ADGRD1: variants seen among roughly 807,000 people sequenced by gnomAD.
ADGRD1 encodes G-protein coupled receptor 133.
A neutral mutation model predicts 113.4 loss-of-function variants in ADGRD1; 77 were observed. The observed-to-expected ratio is 0.68, with a 90% confidence interval of 0.57 to 0.82. The LOEUF (loss-of-function observed/expected upper bound fraction) is 0.82, where lower values mean the gene tolerates loss of function less well. ADGRD1 is among the 40% of genes least tolerant of loss of function. The pLI, the probability that ADGRD1 is intolerant of heterozygous loss-of-function variation, is 0.00. For synonymous variants in ADGRD1, 474 were observed against 475.0 expected (o/e 1.00, Z 0.03); for missense variants, 1,036 against 1,139.1 (o/e 0.91, Z 1.30).
At position 130,984,054 on chromosome 12, in the gene ADGRD1, T is replaced by C. The variant is rs538050118; in HGVS notation, c.490+1991T>C. On this transcript the variant is annotated intron_variant, in intron 5 of 24. Transcript: ENST00000261654. The surrounding 1 kb of genome is among the most constrained non-coding windows in gnomAD (Gnocchi z 4.1). ...CTCTACCAACTCACTCCCATGTTGG[T>C]TAACATTATACGCCCTCGCTTAGAG... Among the ~76,000 whole-genome samples, 8 of 152,316 alleles carry C rather than the reference T, an allele frequency of 5.3e-5. No individual in the cohort carries two copies. The East Asian group carries it at 1.5e-3, about 29-fold the overall frequency.
chr12:130,958,986 C>T (rs1870026226), intron 2 of ADGRD1, among the ~76,000 whole-genome samples: 1 of 152,176 alleles, frequency 6.6e-6, no homozygotes, highest in African/African-American at 2.4e-5. Context: ...ATATTAAGCC[C>T]AAGAAGCTCA....
At chr12:131,101,354 AT>A (rs139659633) in intron 15 of ADGRD1, among the ~76,000 whole-genome samples, 1 of 59,480 alleles carries the variant, frequency 1.7e-5, no homozygotes, top group East Asian at 3.6e-4. Context: ...TCTTTCTTTT[AT>A]TTTTTTTCTT....
intron 15 of ADGRD1, among the ~76,000 whole-genome samples, chr12:131,098,844 G>A (rs1950003566): frequency 6.6e-6 from 1 of 152,244 alleles, no homozygotes; most frequent in Non-Finnish European, 1.5e-5. Flanking sequence ...ATGGTGCACA[G>A]TAGGTGCTGA....
At position 130,997,188 on chromosome 12, in the gene ADGRD1, A is replaced by ACCC. The variant is rs36044466; in HGVS notation, c.967-3186_967-3184dup. ...GGGCGGCTTGCCGGGCGGGGGGCTGACCCCCCCCCCCGGACGGGGCAGCTG... is the reference window on the plus strand; with the variant it reads ...GGGCGGCTTGCCGGGCGGGGGGCTGACCCCCCCCCCCCCCGGACGGGGCAGCTG... On this transcript the variant is annotated intron_variant, in intron 8 of 24. Transcript: ENST00000261654. 1.4e-3 allele frequency among the ~76,000 whole-genome samples: 29 copies of ACCC among 20,840 alleles called. 3 individuals are homozygous for ACCC. The highest frequency in any genetic ancestry group is 5.3e-3 in the South Asian group (3 of 564). 13.7% of individuals were successfully genotyped at this position (20,840 alleles called of 152,430 possible). A position where few individuals can be genotyped will look rare whatever the true frequency, so the allele number is the denominator to read the frequency against.
chr12:131,039,165 GGA>G (rs1217826433), intron 13 of ADGRD1, among the ~76,000 whole-genome samples: 1 of 150,512 alleles, frequency 6.6e-6, no homozygotes, highest in Admixed American at 6.7e-5. Context: ...GGGACGGTGC[GGA>G]GAGTCCTGTG....
chr12:131,074,097 T>C (rs1184918228), intron 13 of ADGRD1, among the ~76,000 whole-genome samples: 1 of 152,236 alleles, frequency 6.6e-6, no homozygotes. Flanking sequence ...TCTGCATGTA[T>C]CTCCTAGAAG....
chr12:130,967,150 G>T, intron 3 of ADGRD1: 1 of 417,966 alleles, frequency 2.4e-6, no homozygotes, highest in Admixed American at 2.4e-5. Context: ...GATGTCAAAG[G>T]TCATGCCAAC....
At chr12:130,986,425 G>A (rs1873690358) in intron 5 of ADGRD1, among the ~76,000 whole-genome samples, 1 of 152,118 alleles carries the variant, frequency 6.6e-6, no homozygotes, top group South Asian at 2.1e-4. Flanking sequence ...CAATGGTAAT[G>A]TGTTTTTTAA....
Position 130,956,159 on chromosome 12 carries a change from C to T in ADGRD1, c.103+1499C>T, listed in dbSNP as rs536558763. On this transcript the variant is annotated intron_variant, in intron 2 of 24. Transcript: ENST00000261654. ...ACTGTGGGCAGATCCCAGGGCGATA[C>T]CCAGGCCTCCAGGGAGAGCCCCTTT... 1.1e-4 allele frequency among the ~76,000 whole-genome samples: 17 copies of T among 152,344 alleles called. No individual in the cohort carries two copies. The South Asian group carries it at 3.3e-3, about 30-fold the overall frequency.
In ADGRD1 at chr12:131,096,003, G is replaced by T. The variant is rs904577966; in HGVS notation, c.1672-8828G>T. On this transcript the variant is annotated intron_variant, in intron 15 of 24. Coordinates refer to ENST00000261654, the MANE Select transcript of ADGRD1 (RefSeq NM_198827.5). This position sits in a 1 kb window ranked among gnomAD's most constrained non-coding sequence, Gnocchi z 5.2. Reference sequence around the variant, plus strand: ...TCACGGCCACCGTTCCCGCCTCCCAGCCCTGCCCAGAGCAGCGGCTTAGGG... The same window carrying T: ...TCACGGCCACCGTTCCCGCCTCCCATCCCTGCCCAGAGCAGCGGCTTAGGG... Among the ~76,000 whole-genome samples the T allele has an allele frequency of 1.1e-5, 1 of 87,956 alleles. No homozygotes were observed. The highest frequency in any genetic ancestry group is 2.5e-5 in the Non-Finnish European group (1 of 40,746). The allele number at this position is 87,956 out of a possible 152,430, so 57.7% of individuals were successfully genotyped here. A position where few individuals can be genotyped will look rare whatever the true frequency, so the allele number is the denominator to read the frequency against.
chr12:131,034,257 C>T (rs1881139284), intron 13 of ADGRD1, among the ~76,000 whole-genome samples: 1 of 152,242 alleles, frequency 6.6e-6, no homozygotes, highest in Non-Finnish European at 1.5e-5. Flanking sequence ...CTGCCTTGCT[C>T]TGCGCCACAT....
rs150572308 is a variant in ADGRD1 at position 131,021,814 on chromosome 12, C to T, written c.1473+7474C>T. On this transcript the variant is annotated intron_variant, in intron 13 of 24. Transcript: ENST00000261654. ...CCCTGATCGCCGGGCTCAAACCATC[C>T]TCCTGCGTCAGCCTCCTGAGAATCT... 8.8e-4 allele frequency among the ~76,000 whole-genome samples: 134 copies of T among 152,282 alleles called. 1 individual carries two copies. The highest frequency in any genetic ancestry group is 6.2e-4 in the Non-Finnish European group (42 of 68,024).
chr12:131,031,202 C>T (rs1012136845), intron 13 of ADGRD1, among the ~76,000 whole-genome samples: 1 of 152,224 alleles, frequency 6.6e-6, no homozygotes, highest in Non-Finnish European at 1.5e-5. Flanking sequence ...CTCCCACCCT[C>T]CCTTCCTGCG....
At chr12:131,038,794 C>T (rs1278078867) in intron 13 of ADGRD1, among the ~76,000 whole-genome samples, 2 of 152,202 alleles carry the variant, frequency 1.3e-5, no homozygotes, top group Admixed American at 1.3e-4. Flanking sequence ...TGATGGGTCC[C>T]CTAGACCCGT....
At chr12:131,114,306 C>T (rs1173682309) in intron 18 of ADGRD1, among the ~76,000 whole-genome samples, 3 of 152,088 alleles carry the variant, frequency 2.0e-5, no homozygotes, top group Non-Finnish European at 4.4e-5. Context: ...TGAGGAGATC[C>T]GACGCCCTGA....
At chr12:130,969,325 TA>T in intron 3 of ADGRD1, 1 of 450,820 alleles carries the variant, frequency 2.2e-6, no homozygotes, top group Non-Finnish European at 4.0e-6. Flanking sequence ...CGTAGCCTGT[TA>T]GGAACTGGGC....
intron 4 of ADGRD1, chr12:130,980,905 A>T (rs1291652176): frequency 6.6e-6 from 1 of 152,240 alleles, no homozygotes; most frequent in Non-Finnish European, 1.5e-5. Context: ...ACATGAACTA[A>T]TGAGCCAGCT....
chr12:131,010,653 G>A (rs772736417), intron 12 of ADGRD1, among the ~76,000 whole-genome samples: 13 of 152,224 alleles, frequency 8.5e-5, no homozygotes, highest in Non-Finnish European at 1.6e-4. Context: ...TGCGTGGGGT[G>A]AAGGACGCAG....
At chr12:131,101,377 C>CTTTTTTTTTTTTTTTTTTTTTTTTTT (rs71095334) in intron 15 of ADGRD1, among the ~76,000 whole-genome samples, 10 of 36,128 alleles carry the variant, frequency 2.8e-4, no homozygotes, top group African/African-American at 3.7e-4. Flanking sequence ...TTCTTTCTTT[C>CTTTTTTTTTTTTTTTTTTTTTTTTTT]TTTTTTTTTT....
Sources: allele counts gnomAD v4.1 joint callset (sites outside exome capture counted in the v4.1 genomes callset), GRCh38; gene constraint gnomAD v4.1.1; non-coding constraint Gnocchi (gnomAD v3.1); transcripts MANE v1.5; gene names NCBI Gene and HGNC (gene_info 2026-07-23, HGNC 2026-07-21).